The following EML6 variants were observed in gnomAD, a reference collection of about 807,000 sequenced individuals.
The protein encoded by EML6 is echinoderm microtubule-associated protein-like 6.
EML6 carries 154 observed loss-of-function variants against 240.1 expected under a neutral mutation model. The ratio of observed to expected loss-of-function variants is 0.64; its 90% confidence interval spans 0.56 to 0.73. The LOEUF (loss-of-function observed/expected upper bound fraction) is 0.73, where lower values mean the gene tolerates loss of function less well. EML6 is among the 30% of genes least tolerant of loss of function. The pLI, the probability that EML6 is intolerant of heterozygous loss-of-function variation, is 0.00. For missense variants in EML6, 2,964 were observed against 2,474.6 expected (o/e 1.20, Z -4.20); for synonymous variants, 1,148 against 899.0 (o/e 1.28, Z -4.95).
chr2:54,769,301 T>TA (rs536370681), intron 2 of EML6, among the ~76,000 whole-genome samples: 20 of 152,302 alleles, frequency 1.3e-4, no homozygotes, highest in Middle Eastern at 3.4e-3. Flanking sequence ...CACTTCAATT[T>TA]ATCCATCAGA....
chr2:54,901,991 T>G (rs933146539), intron 22 of EML6, among the ~76,000 whole-genome samples: 2 of 152,212 alleles, frequency 1.3e-5, no homozygotes, highest in African/African-American at 2.4e-5. Context: ...CCAATTAGTT[T>G]TCCAGAAACC....
rs56324677 is a variant in EML6, at chr2:54,744,905, T to TACACACACACACAC, written c.197+19692_197+19705dup. Among the ~76,000 whole-genome samples, 153 of 107,282 alleles carry TACACACACACACAC rather than the reference T, an allele frequency of 1.4e-3. 4 individuals carry two copies. Among genetic ancestry groups the TACACACACACACAC allele is most frequent in the East Asian group, 0.01 (31 of 2,958 alleles). 70.4% of individuals were successfully genotyped at this position (107,282 alleles called of 152,430 possible). A position where few individuals can be genotyped will look rare whatever the true frequency, so the allele number is the denominator to read the frequency against. On this transcript the variant is annotated intron_variant, in intron 2 of 41. Coordinates refer to ENST00000356458, the MANE Select transcript of EML6 (RefSeq NM_001039753.4). The stretch of plus-strand genomic sequence containing the variant: ...ATGTGTATAACACAACACACACACG[T>TACACACACACACAC]ACACACACACACACACACACACACA...
Position 54,916,747 on chromosome 2 carries a change from G to T in EML6, c.3499-12G>T, listed in dbSNP as rs115424324. The T allele has an allele frequency of 3.6e-3, 5,342 of 1,477,090 alleles. 173 individuals are homozygous for T. The African/African-American group carries it at 0.062, about 17-fold the overall frequency. The allele number at this position is 1,477,090 out of a possible 1,614,324, so 91.5% of individuals were successfully genotyped here. A position where few individuals can be genotyped will look rare whatever the true frequency, so the allele number is the denominator to read the frequency against. On this transcript the variant is annotated splice_polypyrimidine_tract_variant and intron_variant, in intron 25 of 41. Transcript: ENST00000356458. ...TTGTGCAAAAATATCATTCTCTTTC[G>T]TTCTTTTTCAGATCGAGAAGATAGA...
At chr2:54,759,502 C>A (rs1667882709) in intron 2 of EML6, among the ~76,000 whole-genome samples, 1 of 151,986 alleles carries the variant, frequency 6.6e-6, no homozygotes, top group African/African-American at 2.4e-5. Flanking sequence ...TGAATGCTGA[C>A]TAAACGCATA....
Position 54,916,745 on chromosome 2 carries a change from T to C in EML6, c.3499-14T>C, listed in dbSNP as rs1673934639. The C allele has an allele frequency of 2.7e-6, 4 of 1,478,242 alleles. No homozygotes were observed. The Admixed American group carries it at 6.6e-5, about 24-fold the overall frequency. 91.6% of individuals were successfully genotyped at this position (1,478,242 alleles called of 1,614,324 possible). A position where few individuals can be genotyped will look rare whatever the true frequency, so the allele number is the denominator to read the frequency against. Reference sequence around the variant, plus strand: ...GGTTGTGCAAAAATATCATTCTCTTTCGTTCTTTTTCAGATCGAGAAGATA... The same window carrying C: ...GGTTGTGCAAAAATATCATTCTCTTCCGTTCTTTTTCAGATCGAGAAGATA... On this transcript the variant is annotated splice_polypyrimidine_tract_variant and intron_variant, in intron 25 of 41. Coordinates refer to ENST00000356458, the MANE Select transcript of EML6 (RefSeq NM_001039753.4).
Position 54,863,838 on chromosome 2 carries a change from C to G in EML6, c.1881C>G (p.Pro627=). The G allele has an allele frequency of 6.5e-7, 1 of 1,548,904 alleles. No homozygotes were observed. Among genetic ancestry groups the G allele is most frequent in the South Asian group, 1.2e-5 (1 of 83,258 alleles). Residue 627 remains proline (P), a synonymous_variant, in exon 13 of 42, where the codon CCC becomes CCG. Coordinates refer to ENST00000356458, the MANE Select transcript of EML6 (RefSeq NM_001039753.4). ...CTGATTCAGATTTATCTGATGTGCC[C>G]GAACTGGACTCTGATATTGAGCAAG... ...EESDSDLSDV[P]ELDSDIEQEA... is the part of the protein sequence containing the mutation.
At chr2:54,933,728 C>G (rs774789415) in intron 28 of EML6, among the ~76,000 whole-genome samples, 5 of 151,832 alleles carry the variant, frequency 3.3e-5, no homozygotes, top group Non-Finnish European at 7.4e-5. Flanking sequence ...TGAGACTCTG[C>G]CTCAAAAAGA....
intron 4 of EML6, among the ~76,000 whole-genome samples, chr2:54,819,855 G>A (rs1010449962): frequency 1.3e-5 from 2 of 151,988 alleles, no homozygotes; most frequent in South Asian, 2.1e-4. Context: ...TAGTATGTTG[G>A]GTCAGATTAA....
rs1277372147 is a variant in EML6 at position 54,911,060 on chromosome 2, A to G, written c.3498+18A>G. The stretch of plus-strand genomic sequence containing the variant: ...CTTCAGAGGTAATAATCATACACAA[A>G]GATTTTTAAAGATATTTTGTGAAGA... On this transcript the variant is annotated intron_variant, in intron 25 of 41. Coordinates refer to ENST00000356458, the MANE Select transcript of EML6 (RefSeq NM_001039753.4). The G allele has an allele frequency of 8.0e-7, 1 of 1,255,482 alleles. No homozygotes were observed. Among genetic ancestry groups the G allele is most frequent in the Admixed American group, 2.2e-5 (1 of 46,420 alleles). The allele number at this position is 1,255,482 out of a possible 1,614,324, so 77.8% of individuals were successfully genotyped here.
chr2:54,947,663 A>C (rs1232881367), intron 28 of EML6, among the ~76,000 whole-genome samples: 1 of 152,170 alleles, frequency 6.6e-6, no homozygotes, highest in Non-Finnish European at 1.5e-5. Flanking sequence ...TCTGACAGCA[A>C]GTTTCTCCCC....
chr2:54,800,842 C>G (rs1187263271), intron 2 of EML6, among the ~76,000 whole-genome samples: 3 of 152,112 alleles, frequency 2.0e-5, no homozygotes, highest in Non-Finnish European at 4.4e-5. Context: ...ATCCTCAACT[C>G]CAGCCCAGGT....
intron 28 of EML6, among the ~76,000 whole-genome samples, chr2:54,931,441 A>G (rs1674859892): frequency 6.6e-6 from 1 of 152,200 alleles, no homozygotes; most frequent in Non-Finnish European, 1.5e-5. Flanking sequence ...CTGGAATGAC[A>G]GAGGGACAGA....
intron 2 of EML6, among the ~76,000 whole-genome samples, chr2:54,760,535 T>G (rs1414796554): frequency 6.6e-6 from 1 of 152,104 alleles, no homozygotes; most frequent in East Asian, 1.9e-4. Context: ...CATTTTCAGT[T>G]TCAATATAGC....
chr2:54,764,086 A>G (rs1668085830), intron 2 of EML6, among the ~76,000 whole-genome samples: 1 of 152,232 alleles, frequency 6.6e-6, no homozygotes, highest in African/African-American at 2.4e-5. Context: ...TTAGGTTGGC[A>G]AAAGTGGCTG....
chr2:54,904,197 G>A (rs553909870), intron 24 of EML6, among the ~76,000 whole-genome samples: 4 of 152,150 alleles, frequency 2.6e-5, no homozygotes, highest in Admixed American at 6.6e-5. Flanking sequence ...AATGGGTACC[G>A]TGTGAGTAAG....
At chr2:54,738,097 A>T (rs1386099788) in intron 2 of EML6, among the ~76,000 whole-genome samples, 1 of 151,874 alleles carries the variant, frequency 6.6e-6, no homozygotes. Flanking sequence ...CACATTCCTT[A>T]TTGCACATCC....
chr2:54,853,619 A>T (rs571497825), intron 10 of EML6, 24 bp from the exon 11 acceptor site: 38 of 1,318,808 alleles, frequency 2.9e-5, no homozygotes, highest in Admixed American at 8.3e-5. Flanking sequence ...ATTTAAATGT[A>T]ATGTTAATAT....
Position 54,813,415 on chromosome 2 carries a change from T to C in EML6, c.357+24T>C, listed in dbSNP as rs775212828. The C allele has an allele frequency of 1.8e-5, 27 of 1,540,424 alleles. No individual in the cohort carries two copies. The South Asian group carries it at 2.9e-4, about 16-fold the overall frequency. On this transcript the variant is annotated intron_variant, in intron 3 of 41. Coordinates refer to ENST00000356458, the MANE Select transcript of EML6 (RefSeq NM_001039753.4). ...AGGTGTGTATCTTTTTTTAGTTGTT[T>C]TATTTAATGACTTCTCACAACTCAC...
intron 25 of EML6, among the ~76,000 whole-genome samples, chr2:54,913,530 T>C (rs1673752915): frequency 6.6e-6 from 1 of 152,174 alleles, no homozygotes; most frequent in African/African-American, 2.4e-5. Flanking sequence ...CTTAAGTTCC[T>C]TTTAGATTCT....
Sources: gnomAD v4.1 joint callset for allele counts (sites outside exome capture counted in the v4.1 genomes callset) on GRCh38, gnomAD v4.1.1 for gene constraint, MANE v1.5 for transcripts, NCBI Gene and HGNC (gene_info 2026-07-23, HGNC 2026-07-21) for gene names.